AGPS: variants seen among roughly 807,000 people sequenced by gnomAD.
AGPS encodes the protein alkylglycerone phosphate synthase, also known as alkyldihydroxyacetonephosphate synthase, peroxisomal.
A neutral mutation model predicts 90.7 loss-of-function variants in AGPS; 26 were observed. The ratio of observed to expected loss-of-function variants is 0.29; its 90% CI spans 0.21 to 0.40. The LOEUF is 0.40. Among genes scored for constraint, AGPS ranks in the 10% least tolerant of loss-of-function variants. The pLI, the probability that AGPS is intolerant of heterozygous loss-of-function variation, is 1.00. For synonymous variants in AGPS, 294 were observed against 285.3 expected, an observed-to-expected ratio of 1.03 and a Z score of -0.31; for missense variants, 540 against 816.1, an observed-to-expected ratio of 0.66 and a Z score of 4.12.
At chr2:177,516,108 A>G (rs1689015271) in intron 17 of AGPS, among the ~76,000 whole-genome samples, 1 of 152,184 alleles carries the variant, frequency 6.6e-6, no homozygotes, top group Non-Finnish European at 1.5e-5. Context: ...AGACCCCCAT[A>G]TCTAAAATCA....
intron 15 of AGPS, among the ~76,000 whole-genome samples, chr2:177,506,653 T>G (rs1316086047): frequency 6.6e-6 from 1 of 151,974 alleles, no homozygotes; most frequent in East Asian, 1.9e-4. Context: ...GTCCTCCTCT[T>G]TTGTCCCCTG....
At chr2:177,484,713 T>C (rs1047509577) in intron 11 of AGPS, among the ~76,000 whole-genome samples, 4 of 152,120 alleles carry the variant, frequency 2.6e-5, no homozygotes, top group African/African-American at 9.7e-5. Context: ...GACATAATTC[T>C]AATTCACCAT....
intron 10 of AGPS, among the ~76,000 whole-genome samples, chr2:177,476,461 AT>A (rs1172622418): frequency 6.6e-6 from 1 of 151,996 alleles, no homozygotes; most frequent in Non-Finnish European, 1.5e-5. Context: ...ATTTTCACAT[AT>A]TAGTTAGCTT....
chr2:177,410,500 T>C (rs4893942), intron 1 of AGPS, among the ~76,000 whole-genome samples: 131,303 of 152,156 alleles, frequency 0.86, 56,868 homozygotes, highest in East Asian at 0.95. Flanking sequence ...TAGTGTATAA[T>C]GGCCCCTCCT....
chr2:177,441,241 C>G (rs1686592251), intron 6 of AGPS: 1 of 523,396 alleles, frequency 1.9e-6, no homozygotes, highest in Non-Finnish European at 3.4e-6. Context: ...TAGTTCATGG[C>G]TTTTTCCTCT....
chr2:177,445,099 G>A (rs1686727919), intron 7 of AGPS, among the ~76,000 whole-genome samples: 1 of 152,186 alleles, frequency 6.6e-6, no homozygotes, highest in African/African-American at 2.4e-5. Context: ...AAATTAGATA[G>A]TGATTGCTAT....
intron 1 of AGPS, among the ~76,000 whole-genome samples, chr2:177,413,568 G>A (rs1187696645): frequency 1.3e-5 from 2 of 152,248 alleles, no homozygotes; most frequent in Non-Finnish European, 2.9e-5. Flanking sequence ...TAGATTACAA[G>A]TGGACAATGA....
chr2:177,464,230 C>T (rs1443313982), intron 9 of AGPS, among the ~76,000 whole-genome samples: 2 of 152,168 alleles, frequency 1.3e-5, no homozygotes, highest in Admixed American at 1.3e-4. Flanking sequence ...CATGAGCCAC[C>T]GTGCCCAGCC....
At chr2:177,393,113 G>A in intron 1 of AGPS, 64 bp downstream of exon 1, 1 of 1,550,008 alleles carries the variant, frequency 6.5e-7, no homozygotes, top group Non-Finnish European at 8.7e-7. Context: ...GCTGCAGGAG[G>A]GCACAGGCGA....
chr2:177,528,353 TATC>T (rs2079108061), intron 19 of AGPS, among the ~76,000 whole-genome samples: 1 of 152,216 alleles, frequency 6.6e-6, no homozygotes, highest in Non-Finnish European at 1.5e-5. Context: ...GAAAACTCCT[TATC>T]ATGACCTTCA....
At chr2:177,447,260 T>A (rs534769756) in intron 8 of AGPS, among the ~76,000 whole-genome samples, 1 of 152,214 alleles carries the variant, frequency 6.6e-6, no homozygotes, top group East Asian at 1.9e-4. Flanking sequence ...TGAAAAAAAA[T>A]GATTAAACTA....
At chr2:177,514,040 A>G in intron 17 of AGPS, 132 bp downstream of exon 17, 1 of 690,784 alleles carries the variant, frequency 1.4e-6, no homozygotes, top group Admixed American at 2.3e-5. Context: ...CCTAACCTTC[A>G]CTTACCACCT....
intron 10 of AGPS, among the ~76,000 whole-genome samples, chr2:177,480,379 A>G (rs1021998858): frequency 5.3e-5 from 8 of 152,204 alleles, no homozygotes; most frequent in African/African-American, 1.4e-4. Flanking sequence ...CATATACACC[A>G]TGGAATACTA....
chr2:177,461,767 T>C, intron 8 of AGPS, 126 bp from the exon 9 acceptor site: 1 of 665,620 alleles, frequency 1.5e-6, no homozygotes, highest in Admixed American at 3.4e-5. Flanking sequence ...TTTTTTTTGC[T>C]ATGTAGGAAT....
Position 177,392,942 on chromosome 2 carries a change from G to A in AGPS, c.153G>A (p.Glu51=), listed in dbSNP as rs780755840. 1 of 1,550,122 alleles carries A rather than the reference G, an allele frequency of 6.5e-7. No homozygotes were observed. Among genetic ancestry groups the A allele is most frequent in the South Asian group, 1.2e-5 (1 of 84,058 alleles). Residue 51 remains glutamate (E), a synonymous_variant, in exon 1 of 20, where the codon GAG becomes GAA. Coordinates refer to ENST00000264167, the MANE Select transcript of AGPS (RefSeq NM_003659.4). ...GCCATCTGCTGGGCCGGCCCCGGGA[G>A]GCTCTGAGTACCAATGAGTGCAAAG... ...LSGHLLGRPR[E]ALSTNECKAR... is the part of the protein sequence containing the mutation.
At chr2:177,454,300 C>T (rs1471915254) in intron 8 of AGPS, among the ~76,000 whole-genome samples, 1 of 151,904 alleles carries the variant, frequency 6.6e-6, no homozygotes, top group African/African-American at 2.4e-5. Flanking sequence ...TTGAAGTTCA[C>T]TACTGTTTTA....
chr2:177,436,225 C>T (rs1388909644), intron 3 of AGPS, among the ~76,000 whole-genome samples: 2 of 127,494 alleles, frequency 1.6e-5, no homozygotes, highest in South Asian at 2.7e-4. Context: ...AATCTCGGCT[C>T]ACTGCAAGCT....
intron 8 of AGPS, among the ~76,000 whole-genome samples, chr2:177,450,528 G>A (rs1686906732): frequency 6.6e-6 from 1 of 152,086 alleles, no homozygotes; most frequent in African/African-American, 2.4e-5. Flanking sequence ...CAATTGTTCA[G>A]CACCATTTAT....
chr2:177,434,997 G>GTATATATATATATATATATA (rs1553509324), intron 3 of AGPS, among the ~76,000 whole-genome samples: 8 of 128,122 alleles, frequency 6.2e-5, no homozygotes, highest in African/African-American at 1.5e-4. Flanking sequence ...TAAACTGTAG[G>GTATATATATATATATATATA]TATATATATA....
Sources: gnomAD v4.1 joint callset for allele counts (sites outside exome capture counted in the v4.1 genomes callset) on GRCh38, gnomAD v4.1.1 for gene constraint, MANE v1.5 for transcripts, NCBI Gene and HGNC (gene_info 2026-07-23, HGNC 2026-07-21) for gene names.